The following HOMER1 variants were observed in gnomAD, a reference collection of about 807,000 sequenced individuals.
HOMER1 encodes the protein homer protein homolog 1.
A neutral mutation model predicts 48.9 loss-of-function variants in HOMER1; 3 were observed. That is an observed-to-expected ratio of 0.06 (90% CI 0.03 to 0.16). HOMER1 has a LOEUF of 0.16. Ranked by LOEUF, HOMER1 falls within the 10% of genes least tolerant of loss-of-function variation. HOMER1 has a pLI of 1.00. For missense variants in HOMER1, 247 were observed against 411.4 expected (o/e 0.60, Z 3.46); for synonymous variants, 134 against 146.4 (o/e 0.92, Z 0.61).
chr5:79,500,927 T>TTGTGTGTGTGTGTGTGTGTG lies in HOMER1; in HGVS notation c.5+11823_5+11842dup, dbSNP rs367742665. Among the ~76,000 whole-genome samples, 33 of 124,356 alleles carry TTGTGTGTGTGTGTGTGTGTG rather than the reference T, an allele frequency of 2.7e-4. No homozygotes were observed. In the South Asian group the frequency reaches 3.6e-3, roughly 13 times the overall value. 81.6% of individuals were successfully genotyped at this position (124,356 alleles called of 152,430 possible). ...GGCGTGAGCCACTGCACCCAGCCAT[T>TTGTGTGTGTGTGTGTGTGTG]TGTGTGTGTGTGTGTGTGTGTGTGT... is the stretch of plus-strand genomic sequence containing the variant. On this transcript the variant is annotated intron_variant, in intron 1 of 8. Transcript: ENST00000334082.
intron 8 of HOMER1, among the ~76,000 whole-genome samples, chr5:79,388,647 A>G (rs1028584837): frequency 6.6e-6 from 1 of 152,138 alleles, no homozygotes; most frequent in Non-Finnish European, 1.5e-5. Context: ...CAAAGAACAG[A>G]AAGGTTGATT....
intron 1 of HOMER1, among the ~76,000 whole-genome samples, chr5:79,502,342 T>C (rs547342748): frequency 6.6e-6 from 1 of 152,146 alleles, no homozygotes; most frequent in African/African-American, 2.4e-5. Flanking sequence ...TTTACTGTAA[T>C]AAATATTTTT....
chr5:79,508,275 T>C (rs1752832574), intron 1 of HOMER1, among the ~76,000 whole-genome samples: 1 of 152,184 alleles, frequency 6.6e-6, no homozygotes, highest in South Asian at 2.1e-4. Flanking sequence ...TCAGTCTATC[T>C]TAAAAATAAA....
At chr5:79,502,883 A>C (rs577643992) in intron 1 of HOMER1, among the ~76,000 whole-genome samples, 86 of 152,200 alleles carry the variant, frequency 5.7e-4, no homozygotes, top group East Asian at 2.5e-3. Context: ...CTCCGCCTCC[A>C]GGGTTCACGC....
intron 1 of HOMER1, among the ~76,000 whole-genome samples, chr5:79,511,293 A>C (rs1180086233): frequency 1.3e-5 from 2 of 152,236 alleles, no homozygotes; most frequent in African/African-American, 4.8e-5. Context: ...CATCCAAAAC[A>C]TTTTTCAAAT....
chr5:79,409,172 C>A (rs1327122523), intron 5 of HOMER1, among the ~76,000 whole-genome samples: 1 of 149,512 alleles, frequency 6.7e-6, no homozygotes, highest in Non-Finnish European at 1.5e-5. Flanking sequence ...GTGGCTCATG[C>A]CTATAATCCC....
At chr5:79,384,264 T>C (rs1328572022) in intron 8 of HOMER1, among the ~76,000 whole-genome samples, 2 of 151,988 alleles carry the variant, frequency 1.3e-5, no homozygotes, top group African/African-American at 4.8e-5. Context: ...GATAAATCAC[T>C]AGCTAGACCA....
chr5:79,426,113 G>A (rs570256525), intron 5 of HOMER1, among the ~76,000 whole-genome samples: 1 of 151,902 alleles, frequency 6.6e-6, no homozygotes, highest in South Asian at 2.1e-4. Flanking sequence ...ATTATCAAAG[G>A]GGCAGAAAAT....
chr5:79,418,351 G>A (rs921290933), intron 5 of HOMER1, among the ~76,000 whole-genome samples: 5 of 152,032 alleles, frequency 3.3e-5, no homozygotes, highest in East Asian at 1.9e-4. Flanking sequence ...CTTCCTGATC[G>A]GCCTCGATGG....
In HOMER1 at chr5:79,474,206, A is replaced by ATTTTT. The variant is rs1009644672; in HGVS notation, c.6-17193_6-17189dup. ...GTGTGCACCATCATGCCCAACCAAA[A>ATTTTT]TTTTTTTTTTTTTTTTTTTTTTTTT... On this transcript the variant is annotated intron_variant, in intron 1 of 8. Transcript: ENST00000334082. Among the ~76,000 whole-genome samples the ATTTTT allele has an allele frequency of 2.4e-3, 238 of 98,756 alleles. 11 individuals carry two copies. The East Asian group carries it at 0.03, about 12-fold the overall frequency. The allele number at this position is 98,756 out of a possible 152,430, so 64.8% of individuals were successfully genotyped here. A position where few individuals can be genotyped will look rare whatever the true frequency, so the allele number is the denominator to read the frequency against.
At chr5:79,504,053 A>C (rs1281381393) in intron 1 of HOMER1, among the ~76,000 whole-genome samples, 1 of 152,274 alleles carries the variant, frequency 6.6e-6, no homozygotes, top group Non-Finnish European at 1.5e-5. Flanking sequence ...TATCAATTTA[A>C]CAATAGTAAA....
intron 1 of HOMER1, among the ~76,000 whole-genome samples, chr5:79,466,598 A>G (rs960706064): frequency 6.6e-6 from 1 of 152,038 alleles, no homozygotes; most frequent in Non-Finnish European, 1.5e-5. Flanking sequence ...TTCCCAAATG[A>G]TTTCCACTAA....
intron 5 of HOMER1, among the ~76,000 whole-genome samples, chr5:79,411,976 G>A (rs534944876): frequency 1.7e-4 from 26 of 152,208 alleles, no homozygotes; most frequent in African/African-American, 5.8e-4. Flanking sequence ...AAAATTAGCC[G>A]GGTGTGGTGG....
At chr5:79,432,374 T>C (rs141227788) in intron 5 of HOMER1, among the ~76,000 whole-genome samples, 13 of 152,308 alleles carry the variant, frequency 8.5e-5, no homozygotes, top group African/African-American at 2.9e-4. Context: ...TGACCACACC[T>C]GTAATTCCAG....
Position 79,490,792 on chromosome 5 carries a change from A to AAAAAC in HOMER1, c.5+21977_5+21978insGTTTT, listed in dbSNP as rs148573552. Among the ~76,000 whole-genome samples, 147 of 145,932 alleles carry AAAAAC rather than the reference A, an allele frequency of 1.0e-3. 4 individuals carry two copies. The highest frequency in any genetic ancestry group is 3.6e-3 in the African/African-American group (138 of 37,956). On this transcript the variant is annotated intron_variant, in intron 1 of 8. Coordinates refer to ENST00000334082, the MANE Select transcript of HOMER1 (RefSeq NM_004272.5). ...ACCAAAAAAAAAAACAAAAAAAAAA[A>AAAAAC]CCATAAAAAAATTAGCCAGGCATGG...
At chr5:79,501,920 T>C (rs939280715) in intron 1 of HOMER1, among the ~76,000 whole-genome samples, 1 of 152,206 alleles carries the variant, frequency 6.6e-6, no homozygotes, top group Admixed American at 6.5e-5. Context: ...ACTACTTCTT[T>C]AGCCAATCTT....
intron 1 of HOMER1, among the ~76,000 whole-genome samples, chr5:79,506,729 C>T (rs1032551726): frequency 3.9e-5 from 6 of 151,908 alleles, no homozygotes; most frequent in African/African-American, 1.5e-4. Context: ...CCCAGCTACT[C>T]GGGAGTCTAA....
chr5:79,424,600 T>C (rs1361350319), intron 5 of HOMER1, among the ~76,000 whole-genome samples: 2 of 151,990 alleles, frequency 1.3e-5, no homozygotes, highest in Non-Finnish European at 2.9e-5. Flanking sequence ...ACATTTAAAA[T>C]TTGCCTCACA....
chr5:79,422,082 C>T (rs1263744813), intron 5 of HOMER1, among the ~76,000 whole-genome samples: 1 of 152,008 alleles, frequency 6.6e-6, no homozygotes, highest in African/African-American at 2.4e-5. Flanking sequence ...CAAAAATTAG[C>T]TAGGCATGGT....
Sources: allele counts gnomAD v4.1 joint callset (sites outside exome capture counted in the v4.1 genomes callset), GRCh38; gene constraint gnomAD v4.1.1; transcripts MANE v1.5; gene names NCBI Gene and HGNC (gene_info 2026-07-23, HGNC 2026-07-21).